The following PDE4D variants were observed in gnomAD, a reference collection of about 807,000 sequenced individuals.
PDE4D encodes the protein 3',5'-cyclic-AMP phosphodiesterase 4D.
A neutral mutation model predicts 87.4 loss-of-function variants in PDE4D; 24 were observed. The ratio of observed to expected loss-of-function variants is 0.27; its 90% CI spans 0.20 to 0.39. The LOEUF is 0.39. PDE4D is among the 10% of genes least tolerant of loss of function. The pLI is 1.00. For synonymous variants in PDE4D, 384 were observed against 383.2 expected (o/e 1.00, Z -0.02); for missense variants, 714 against 1,041.0 (o/e 0.69, Z 4.32).
chr5:59,026,477 A>G (rs1469744788), intron 6 of PDE4D, among the ~76,000 whole-genome samples: 1 of 152,242 alleles, frequency 6.6e-6, no homozygotes, highest in East Asian at 1.9e-4. Flanking sequence ...ACAAAATGTT[A>G]TATTGACACT....
intron 2 of PDE4D, among the ~76,000 whole-genome samples, chr5:59,210,306 G>T (rs552942278): frequency 6.6e-6 from 1 of 152,262 alleles, no homozygotes; most frequent in Admixed American, 6.5e-5. Flanking sequence ...TGGAATAAAA[G>T]ATACAAATTG....
chr5:59,190,794 A>G (rs1744131993), intron 3 of PDE4D, among the ~76,000 whole-genome samples: 1 of 152,076 alleles, frequency 6.6e-6, no homozygotes, highest in South Asian at 2.1e-4. Context: ...CTCCCCACAG[A>G]TGCTCTATGA....
At chr5:59,371,596 G>GA (rs1174463757) in intron 1 of PDE4D, among the ~76,000 whole-genome samples, 1 of 151,936 alleles carries the variant, frequency 6.6e-6, no homozygotes, top group African/African-American at 2.4e-5. Context: ...TTGTTTAGCT[G>GA]AAAAAAAGGT....
chr5:59,400,904 TTACA>T (rs1790488916), intron 1 of PDE4D, among the ~76,000 whole-genome samples: 1 of 152,182 alleles, frequency 6.6e-6, no homozygotes. Context: ...ATTATGTATG[TTACA>T]TAAATATGCA....
intron 1 of PDE4D, among the ~76,000 whole-genome samples, chr5:59,685,865 G>A (rs992040963): frequency 6.6e-6 from 1 of 151,978 alleles, no homozygotes; most frequent in East Asian, 1.9e-4. Context: ...GATCCTCCAA[G>A]TATGCAAATC....
At chr5:60,500,255 C>A (rs1750007924) in intron 1 of PDE4D, among the ~76,000 whole-genome samples, 1 of 152,090 alleles carries the variant, frequency 6.6e-6, no homozygotes, top group South Asian at 2.1e-4. Context: ...AGTGAGCCAT[C>A]CATGATTGTG....
At chr5:59,505,862 A>T (rs1212071170) in intron 1 of PDE4D, among the ~76,000 whole-genome samples, 1 of 152,132 alleles carries the variant, frequency 6.6e-6, no homozygotes, top group Admixed American at 6.5e-5. Flanking sequence ...TTTCTGCTGG[A>T]ATGTAGGGAG....
At chr5:59,301,342 A>G (rs913871581) in intron 1 of PDE4D, among the ~76,000 whole-genome samples, 2 of 152,196 alleles carry the variant, frequency 1.3e-5, no homozygotes, top group Non-Finnish European at 2.9e-5. Context: ...AATATATATC[A>G]TAACACCACA....
rs34161581 is a variant in PDE4D, at chr5:59,131,597, A to AACACACACACACAC, written c.808+48984_808+48997dup. On this transcript the variant is annotated intron_variant, in intron 5 of 14. Transcript: ENST00000340635. The stretch of plus-strand genomic sequence containing the variant: ...TAAAGAAATAATAAGGCCAATTTAA[A>AACACACACACACAC]ACACACACACACACACACACACACA... 7.6e-4 allele frequency among the ~76,000 whole-genome samples: 90 copies of AACACACACACACAC among 118,186 alleles called. 1 individual carries two copies. Among genetic ancestry groups the AACACACACACACAC allele is most frequent in the East Asian group, 2.3e-3 (10 of 4,300 alleles). 77.5% of individuals were successfully genotyped at this position (118,186 alleles called of 152,430 possible).
intron 2 of PDE4D, among the ~76,000 whole-genome samples, chr5:59,204,106 C>T (rs1296467953): frequency 1.3e-5 from 2 of 151,080 alleles, no homozygotes; most frequent in East Asian, 3.9e-4. Context: ...AAAATATTAC[C>T]TTGTATATAA....
chr5:59,059,438 G>A (rs138047722), intron 5 of PDE4D, among the ~76,000 whole-genome samples: 86 of 152,278 alleles, frequency 5.6e-4, no homozygotes, highest in Non-Finnish European at 1.1e-3. Flanking sequence ...GAACAAGCAC[G>A]GTAATTCTCT....
At chr5:59,286,608 T>G (rs753542016) in intron 1 of PDE4D, among the ~76,000 whole-genome samples, 2 of 152,182 alleles carry the variant, frequency 1.3e-5, no homozygotes, top group Non-Finnish European at 2.9e-5. Flanking sequence ...GTTTTTATTC[T>G]AGGAATCACG....
intron 1 of PDE4D, among the ~76,000 whole-genome samples, chr5:59,315,625 T>G (rs986265849): frequency 2.6e-5 from 4 of 152,082 alleles, no homozygotes; most frequent in African/African-American, 9.7e-5. Flanking sequence ...AGGGGGAAAT[T>G]TCCTAACAGG....
chr5:59,076,711 T>C lies in PDE4D; in HGVS notation c.809-37740A>G, dbSNP rs144359181. Among the ~76,000 whole-genome samples, 96 of 152,286 alleles carry C rather than the reference T, an allele frequency of 6.3e-4. 1 individual carries two copies. The highest frequency in any genetic ancestry group is 3.4e-3 in the Middle Eastern group (1 of 294). On this transcript the variant is annotated intron_variant, in intron 5 of 14. Coordinates refer to ENST00000340635, the MANE Select transcript of PDE4D (RefSeq NM_001104631.2). ...CTCAATCAATGCCTTGCCTTAAAAA[T>C]GTCAAATAACTCAGATTTCAGGATA...
intron 1 of PDE4D, among the ~76,000 whole-genome samples, chr5:59,786,784 T>C (rs920951232): frequency 6.6e-6 from 1 of 152,160 alleles, no homozygotes; most frequent in African/African-American, 2.4e-5. Context: ...TGAGATGCTT[T>C]TTCATAGCTT....
intron 1 of PDE4D, among the ~76,000 whole-genome samples, chr5:60,377,243 T>C (rs1761505699): frequency 6.6e-6 from 1 of 152,214 alleles, no homozygotes; most frequent in Non-Finnish European, 1.5e-5. Flanking sequence ...AAAGACTATA[T>C]CTGACTTGGA....
chr5:59,750,196 C>T (rs1225010447), intron 1 of PDE4D, among the ~76,000 whole-genome samples: 2 of 150,930 alleles, frequency 1.3e-5, no homozygotes, highest in African/African-American at 2.4e-5. Flanking sequence ...CTTCCATTTT[C>T]CCCACATCTT....
At chr5:59,460,216 G>A (rs1318177320) in intron 1 of PDE4D, among the ~76,000 whole-genome samples, 2 of 151,988 alleles carry the variant, frequency 1.3e-5, no homozygotes, top group Non-Finnish European at 2.9e-5. Context: ...ATTACAAAAT[G>A]AAAAATCCAT....
chr5:59,040,555 T>C (rs1759515749), intron 5 of PDE4D, among the ~76,000 whole-genome samples: 2 of 152,212 alleles, frequency 1.3e-5, no homozygotes, highest in Admixed American at 1.3e-4. Flanking sequence ...TTCAAAGGCA[T>C]ACAGAAAAGC....
Sources: gnomAD v4.1 joint callset for allele counts (sites outside exome capture counted in the v4.1 genomes callset) on GRCh38, gnomAD v4.1.1 for gene constraint, MANE v1.5 for transcripts, NCBI Gene and HGNC (gene_info 2026-07-23, HGNC 2026-07-21) for gene names.